The following LRBA variants were observed in gnomAD, a reference collection of about 807,000 sequenced individuals.
LRBA encodes lipopolysaccharide-responsive and beige-like anchor protein.
In LRBA, 176 loss-of-function variants were observed where a neutral mutation model predicts 330.0. The ratio of observed to expected loss-of-function variants is 0.53; its 90% CI spans 0.47 to 0.60. LRBA has a LOEUF of 0.60. Ranked by LOEUF, LRBA falls within the 20% of genes least tolerant of loss-of-function variation. LRBA has a pLI of 0.00. For synonymous variants in LRBA, 1,230 were observed against 1,193.0 expected, an observed-to-expected ratio of 1.03 and a Z score of -0.64; for missense variants, 3,259 against 3,444.8, an observed-to-expected ratio of 0.95 and a Z score of 1.35.
chr4:150,831,692 A>G (rs1056788298), intron 29 of LRBA, 125 bp downstream of exon 29: 15 of 600,924 alleles, frequency 2.5e-5, no homozygotes, highest in Non-Finnish European at 5.2e-6. Flanking sequence ...TAATAAAAAT[A>G]TATGTATGCT....
intron 37 of LRBA, among the ~76,000 whole-genome samples, chr4:150,641,975 A>G (rs1778720819): frequency 1.3e-5 from 2 of 152,078 alleles, no homozygotes; most frequent in Admixed American, 1.3e-4. Context: ...ATTTATTAAA[A>G]TAAGTATTTT....
chr4:150,488,322 C>T (rs183327734), intron 41 of LRBA, among the ~76,000 whole-genome samples: 1 of 151,612 alleles, frequency 6.6e-6, no homozygotes, highest in East Asian at 1.9e-4. Flanking sequence ...ACATTTATTT[C>T]CAATCATTAA....
chr4:150,563,778 T>C (rs969481584), intron 40 of LRBA, among the ~76,000 whole-genome samples: 5 of 152,028 alleles, frequency 3.3e-5, no homozygotes, highest in African/African-American at 1.2e-4. Flanking sequence ...AGAACTCCCA[T>C]TCACAATTGC....
At chr4:150,554,667 TATA>T (rs1286655103) in intron 40 of LRBA, among the ~76,000 whole-genome samples, 1 of 152,086 alleles carries the variant, frequency 6.6e-6, no homozygotes, top group Admixed American at 6.6e-5. Context: ...TATTAGTAAA[TATA>T]ATAATAATCA....
chr4:150,669,611 G>A (rs553187574), intron 37 of LRBA, among the ~76,000 whole-genome samples: 7 of 151,694 alleles, frequency 4.6e-5, no homozygotes, highest in African/African-American at 1.7e-4. Flanking sequence ...TGTCACCCAG[G>A]CTGGAGTGCA....
chr4:150,962,676 G>A (rs1382615463), intron 2 of LRBA, among the ~76,000 whole-genome samples: 3 of 148,726 alleles, frequency 2.0e-5, no homozygotes, highest in South Asian at 2.1e-4. Flanking sequence ...GCTTTTGGCT[G>A]GGCACAGTGG....
intron 40 of LRBA, among the ~76,000 whole-genome samples, chr4:150,496,070 A>G (rs1759559542): frequency 6.6e-6 from 1 of 152,120 alleles, no homozygotes; most frequent in African/African-American, 2.4e-5. Context: ...ACACACATAA[A>G]TATTCTATTT....
chr4:150,301,010 G>A (rs761587542), intron 53 of LRBA, among the ~76,000 whole-genome samples: 1 of 151,908 alleles, frequency 6.6e-6, no homozygotes, highest in African/African-American at 2.4e-5. Flanking sequence ...CATTTTTAAG[G>A]CAAGAAAAAG....
At position 150,915,203 on chromosome 4, in the gene LRBA, T is replaced by G. The variant is rs149331097; in HGVS notation, c.1014+405A>C. Reference sequence around the variant, plus strand: ...TAAATTTCATTCTAACCTATAGATTTATTTTTGAAACCTGTAAACGTTAAC... The same window carrying G: ...TAAATTTCATTCTAACCTATAGATTGATTTTTGAAACCTGTAAACGTTAAC... On this transcript the variant is annotated intron_variant, in intron 8 of 56. Transcript: ENST00000651943. 2.2e-3 allele frequency among the ~76,000 whole-genome samples: 342 copies of G among 152,250 alleles called. 4 individuals are homozygous for G. Among genetic ancestry groups the G allele is most frequent in the African/African-American group, 7.9e-3 (327 of 41,568 alleles).
At chr4:150,754,268 AACATATGCTTATCC>A (rs1733963843) in intron 35 of LRBA, among the ~76,000 whole-genome samples, 7 of 145,344 alleles carry the variant, frequency 4.8e-5, no homozygotes, top group African/African-American at 2.0e-4. Context: ...ATAAATAAGA[AACATATGCTTATCC>A]TAATTAAGGA....
intron 37 of LRBA, among the ~76,000 whole-genome samples, chr4:150,643,494 G>C (rs986093279): frequency 6.6e-6 from 1 of 151,832 alleles, no homozygotes. Context: ...GTATGAAGAG[G>C]ATATGTAAGC....
chr4:150,347,366 C>T (rs541631480), intron 48 of LRBA, among the ~76,000 whole-genome samples: 78 of 152,048 alleles, frequency 5.1e-4, no homozygotes, highest in Non-Finnish European at 9.6e-4. Flanking sequence ...GTAAAAATGG[C>T]CAGGGGCAGT....
At chr4:150,815,048 A>G (rs1412863167) in intron 31 of LRBA, among the ~76,000 whole-genome samples, 1 of 151,958 alleles carries the variant, frequency 6.6e-6, no homozygotes, top group East Asian at 1.9e-4. Flanking sequence ...AAAGGGTCCT[A>G]TTTCCTCTGT....
intron 55 of LRBA, among the ~76,000 whole-genome samples, chr4:150,279,963 T>C (rs530059173): frequency 1.1e-4 from 17 of 152,344 alleles, no homozygotes; most frequent in Admixed American, 9.1e-4. Context: ...GGATAAGTGT[T>C]ATACTAAAAC....
intron 40 of LRBA, among the ~76,000 whole-genome samples, chr4:150,522,277 C>A (rs1762996007): frequency 6.6e-6 from 1 of 151,902 alleles, no homozygotes; most frequent in South Asian, 2.1e-4. Context: ...TACAAATTAC[C>A]CAGACTTAGG....
At chr4:150,423,152 A>G (rs1051228619) in intron 46 of LRBA, 10 of 1,125,840 alleles carry the variant, frequency 8.9e-6, no homozygotes, top group Non-Finnish European at 1.3e-5. Context: ...TACAGGACCA[A>G]CCTCGGGGCA....
At chr4:150,618,019 G>C (rs4696214) in intron 37 of LRBA, among the ~76,000 whole-genome samples, 118,083 of 151,952 alleles carry the variant, frequency 0.78, 50,774 homozygotes, top group Non-Finnish European at 0.95. Flanking sequence ...TGGGAGGATC[G>C]ATTGAGCCTG....
intron 53 of LRBA, among the ~76,000 whole-genome samples, chr4:150,295,207 T>C (rs1007446021): frequency 6.7e-6 from 1 of 149,144 alleles, no homozygotes; most frequent in East Asian, 1.9e-4. Flanking sequence ...TTTTTTTTTT[T>C]TTTTTTTTTT....
intron 33 of LRBA, among the ~76,000 whole-genome samples, chr4:150,803,007 G>C (rs1741899230): frequency 7.4e-6 from 1 of 135,010 alleles, no homozygotes; most frequent in East Asian, 2.2e-4. Context: ...GGGTGGCACG[G>C]TGAGACTCTG....
Sources: gnomAD v4.1 joint callset for allele counts (sites outside exome capture counted in the v4.1 genomes callset) on GRCh38, gnomAD v4.1.1 for gene constraint, MANE v1.5 for transcripts, NCBI Gene and HGNC (gene_info 2026-07-23, HGNC 2026-07-21) for gene names.